ARL15: variants seen among roughly 807,000 people sequenced by gnomAD.
The protein encoded by ARL15 is ADP-ribosylation factor-like protein 15.
Under a neutral mutation model 25.2 loss-of-function variants are expected in ARL15, and 19 were observed. The ratio of observed to expected loss-of-function variants is 0.75; its 90% confidence interval spans 0.53 to 1.10. The LOEUF (loss-of-function observed/expected upper bound fraction) is 1.10. Among genes scored for constraint, ARL15 ranks in the 50% least tolerant of loss-of-function variants. The pLI, the probability that ARL15 is intolerant of heterozygous loss-of-function variation, is 0.00. For synonymous variants in ARL15, 94 were observed against 86.8 expected (o/e 1.08, Z -0.46); for missense variants, 220 against 246.0 (o/e 0.89, Z 0.71).
At chr5:53,891,101 G>A (rs1744692808) in intron 4 of ARL15, among the ~76,000 whole-genome samples, 1 of 152,168 alleles carries the variant, frequency 6.6e-6, no homozygotes, top group Non-Finnish European at 1.5e-5. Context: ...TCAATAACAA[G>A]TCTTTCCTTT....
chr5:54,252,499 C>G (rs1170596845), intron 1 of ARL15, among the ~76,000 whole-genome samples: 4 of 152,098 alleles, frequency 2.6e-5, no homozygotes, highest in Admixed American at 2.0e-4. Context: ...ATAAAGATAC[C>G]ATGCATTTAA....
At chr5:54,054,708 T>C (rs1750805548) in intron 4 of ARL15, among the ~76,000 whole-genome samples, 1 of 152,152 alleles carries the variant, frequency 6.6e-6, no homozygotes, top group African/African-American at 2.4e-5. Context: ...GAGGATGGCG[T>C]GAACCCAGAA....
chr5:54,162,529 C>A (rs915583339), intron 2 of ARL15, among the ~76,000 whole-genome samples: 7 of 152,180 alleles, frequency 4.6e-5, no homozygotes, highest in African/African-American at 1.7e-4. Flanking sequence ...ATCATAGCCA[C>A]TTGTTAATAA....
intron 4 of ARL15, among the ~76,000 whole-genome samples, chr5:53,909,096 T>C (rs1435514427): frequency 6.6e-6 from 1 of 152,070 alleles, no homozygotes; most frequent in African/African-American, 2.4e-5. Context: ...AACAAACAAG[T>C]ACACTATAGA....
intron 4 of ARL15, among the ~76,000 whole-genome samples, chr5:54,066,803 A>C (rs1445027624): frequency 6.6e-6 from 1 of 152,220 alleles, no homozygotes; most frequent in African/African-American, 2.4e-5. Flanking sequence ...GATAATGTTA[A>C]ATTGTCTTAC....
At chr5:54,130,196 C>T (rs1413438592) in intron 3 of ARL15, among the ~76,000 whole-genome samples, 1 of 152,156 alleles carries the variant, frequency 6.6e-6, no homozygotes, top group Non-Finnish European at 1.5e-5. Flanking sequence ...CATGACTGCA[C>T]CACTGTACTC....
intron 4 of ARL15, among the ~76,000 whole-genome samples, chr5:54,107,709 T>A (rs1040609259): frequency 7.9e-5 from 12 of 152,180 alleles, no homozygotes; most frequent in Non-Finnish European, 1.2e-4. Context: ...TGTATGTGAC[T>A]GAAGGAAGAT....
intron 1 of ARL15, among the ~76,000 whole-genome samples, chr5:54,189,913 A>G (rs1298850102): frequency 6.6e-6 from 1 of 152,230 alleles, no homozygotes; most frequent in Non-Finnish European, 1.5e-5. Flanking sequence ...TTTTTAAATC[A>G]TATCTCTAAT....
chr5:54,174,904 C>A (rs73754471), intron 1 of ARL15, among the ~76,000 whole-genome samples: 3 of 152,278 alleles, frequency 2.0e-5, no homozygotes, highest in African/African-American at 7.2e-5. Context: ...CACACAGTTT[C>A]TTTTACTGGG....
At chr5:54,129,718 G>C (rs911444593) in intron 3 of ARL15, among the ~76,000 whole-genome samples, 1 of 152,114 alleles carries the variant, frequency 6.6e-6, no homozygotes, top group Admixed American at 6.5e-5. Flanking sequence ...AGGAAAGTCT[G>C]ATGAACGCCA....
chr5:54,270,483 C>T (rs886313728), intron 1 of ARL15, among the ~76,000 whole-genome samples: 1 of 152,210 alleles, frequency 6.6e-6, no homozygotes, highest in African/African-American at 2.4e-5. Context: ...CCACGTATCC[C>T]CAGGGGCATG....
chr5:53,922,803 G>T (rs149268944), intron 4 of ARL15, among the ~76,000 whole-genome samples: 107 of 152,300 alleles, frequency 7.0e-4, no homozygotes, highest in African/African-American at 2.3e-3. Flanking sequence ...GCTGACAACT[G>T]AGCTGTGTAG....
At chr5:54,219,056 A>G (rs1351948439) in intron 1 of ARL15, among the ~76,000 whole-genome samples, 1 of 152,122 alleles carries the variant, frequency 6.6e-6, no homozygotes, top group East Asian at 1.9e-4. Context: ...ACAGATTTTA[A>G]AAAGGATTTA....
intron 4 of ARL15, among the ~76,000 whole-genome samples, chr5:53,977,961 A>G (rs1387678145): frequency 6.6e-6 from 1 of 152,082 alleles, no homozygotes; most frequent in African/African-American, 2.4e-5. Flanking sequence ...GGAAGGTCTG[A>G]GGCTTTTCGC....
chr5:54,205,832 C>T (rs911567482), intron 1 of ARL15, among the ~76,000 whole-genome samples: 6 of 152,134 alleles, frequency 3.9e-5, no homozygotes, highest in Admixed American at 3.3e-4. Flanking sequence ...ACCTGATGAC[C>T]GACCAACTCT....
At chr5:54,031,671 T>A (rs938123226) in intron 4 of ARL15, among the ~76,000 whole-genome samples, 2 of 152,146 alleles carry the variant, frequency 1.3e-5, no homozygotes, top group African/African-American at 4.8e-5. Flanking sequence ...AAAAAACAAA[T>A]TCCAAAATAT....
intron 4 of ARL15, among the ~76,000 whole-genome samples, chr5:54,054,525 T>C (rs1425922429): frequency 1.3e-5 from 2 of 152,222 alleles, no homozygotes; most frequent in Non-Finnish European, 2.9e-5. Context: ...GCGCTGTGGC[T>C]CATGCCTGTA....
At chr5:53,999,537 GC>G (rs1475630088) in intron 4 of ARL15, among the ~76,000 whole-genome samples, 10 of 152,154 alleles carry the variant, frequency 6.6e-5, no homozygotes, top group Non-Finnish European at 1.3e-4. Context: ...GGTGCAGTGA[GC>G]CAAGATCGTG....
intron 4 of ARL15, among the ~76,000 whole-genome samples, chr5:53,966,926 TG>T (rs1446744480): frequency 6.6e-6 from 1 of 152,212 alleles, no homozygotes; most frequent in Non-Finnish European, 1.5e-5. Context: ...AATGAAATGT[TG>T]GAAAGATCCT....
Sources: allele counts gnomAD v4.1 joint callset (sites outside exome capture counted in the v4.1 genomes callset), GRCh38; gene constraint gnomAD v4.1.1; transcripts MANE v1.5; gene names NCBI Gene and HGNC (gene_info 2026-07-23, HGNC 2026-07-21).